BACE2: variants seen among roughly 807,000 people sequenced by gnomAD.
The protein encoded by BACE2 is beta-secretase 2, also known as 56 kDa aspartic-like protease.
A neutral mutation model predicts 46.2 loss-of-function variants in BACE2; 17 were observed. The observed-to-expected ratio is 0.37, with a 90% confidence interval of 0.25 to 0.55. BACE2 has a LOEUF of 0.55. Ranked by LOEUF, BACE2 falls within the 20% of genes least tolerant of loss-of-function variation. The pLI, the probability that BACE2 is intolerant of heterozygous loss-of-function variation, is 0.82. For missense variants in BACE2, 595 were observed against 698.1 expected (o/e 0.85, Z 1.66); for synonymous variants, 277 against 295.9 (o/e 0.94, Z 0.66).
In BACE2 at chr21:41,241,806, C is replaced by T. The variant is rs368880329; in HGVS notation, c.619-13C>T. ...GTCCTAAGCGGGTGCCCCTCTCTGT[C>T]GCCCTCCCGCAGCCATCAAGTTCTC... On this transcript the variant is annotated splice_polypyrimidine_tract_variant and intron_variant, in intron 3 of 8. Coordinates refer to ENST00000330333, the MANE Select transcript of BACE2 (RefSeq NM_012105.5). The T allele has an allele frequency of 4.2e-5, 67 of 1,613,824 alleles. No homozygotes were observed. In the South Asian group the frequency reaches 4.3e-4, roughly 10 times the overall value.
At chr21:41,214,236 C>G (rs928753738) in intron 1 of BACE2, among the ~76,000 whole-genome samples, 1 of 152,194 alleles carries the variant, frequency 6.6e-6, no homozygotes, top group African/African-American at 2.4e-5. Context: ...GGACCCCAAG[C>G]CCTGCGTGCA....
intron 2 of BACE2, among the ~76,000 whole-genome samples, chr21:41,234,549 A>C (rs552223262): frequency 3.3e-4 from 51 of 152,340 alleles, no homozygotes; most frequent in African/African-American, 1.1e-3. Context: ...TAAAACGTCT[A>C]TTATTTGTTT....
chr21:41,275,459 C>T lies in BACE2; in HGVS notation c.1392C>T (p.Ser464=), dbSNP rs537658410. 295 of 1,614,148 alleles carry T rather than the reference C, an allele frequency of 1.8e-4. No individual in the cohort carries two copies. The South Asian group carries it at 3.0e-3, about 16-fold the overall frequency. The change falls in exon 9 of 9, where the codon AGC becomes AGT. Residue 464 remains serine, a synonymous_variant. Coordinates refer to ENST00000330333, the MANE Select transcript of BACE2 (RefSeq NM_012105.5). ...ASNCVPAQSL[S]EPILWIVSYA... is the part of the protein sequence containing the mutation. ...ACTGTGTCCCCGCTCAGTCTTTGAG[C>T]GAGCCCATTTTGTGGATTGTGTCCT...
chr21:41,276,665 G>A lies in BACE2; in HGVS notation c.*1041G>A, dbSNP rs988048323. 8 of 152,346 alleles carry A rather than the reference G, an allele frequency of 5.3e-5. No homozygotes were observed. Among genetic ancestry groups the A allele is most frequent in the Middle Eastern group, 6.8e-3 (2 of 294 alleles). The allele number at this position is 152,346 out of a possible 1,614,324, so 9.4% of individuals were successfully genotyped here. A position where few individuals can be genotyped will look rare whatever the true frequency, so the allele number is the denominator to read the frequency against. ...AGTAGGTTGGCTATTACCCTGTTGG[G>A]AAACAGGGAAATGGCCTGATGCCCC... On this transcript the variant is annotated 3_prime_UTR_variant, in exon 9 of 9. Coordinates refer to ENST00000330333, the MANE Select transcript of BACE2 (RefSeq NM_012105.5).
In BACE2 at chr21:41,168,387, G is replaced by A; in HGVS notation, c.124G>A (p.Val42Ile). The change falls in exon 1 of 9, where the codon GTA becomes ATA. Residue 42 changes from valine to isoleucine, a missense_variant. Coordinates refer to ENST00000330333, the MANE Select transcript of BACE2 (RefSeq NM_012105.5). ...CCGGGTGGCCGCGGCCACGAACCGC[G>A]TAGTTGCGCCCACCCCGGGACCCGG... ...PLRVAAATNRVVAPTPGPGTP... is the reference protein window; with the variant it reads ...PLRVAAATNRIVAPTPGPGTP... The A allele has an allele frequency of 7.1e-7, 1 of 1,414,196 alleles. No individual in the cohort carries two copies. Among genetic ancestry groups the A allele is most frequent in the African/African-American group, 1.5e-5 (1 of 66,306 alleles). 87.6% of individuals were successfully genotyped at this position (1,414,196 alleles called of 1,614,324 possible). A position where few individuals can be genotyped will look rare whatever the true frequency, so the allele number is the denominator to read the frequency against.
chr21:41,241,981 T>C (rs200797466), intron 4 of BACE2, 34 bp downstream of exon 4: 2 of 1,610,390 alleles, frequency 1.2e-6, no homozygotes, highest in Non-Finnish European at 1.7e-6. Flanking sequence ...GGGCGAAAAA[T>C]CACAGATGGA....
At chr21:41,192,698 C>T (rs888972631) in intron 1 of BACE2, among the ~76,000 whole-genome samples, 3 of 152,224 alleles carry the variant, frequency 2.0e-5, no homozygotes, top group Non-Finnish European at 2.9e-5. Context: ...GGTCGTATGG[C>T]CCAAGTGGCC....
chr21:41,252,481 A>T (rs562756833), intron 7 of BACE2: 4 of 152,252 alleles, frequency 2.6e-5, no homozygotes, highest in Non-Finnish European at 5.9e-5. Flanking sequence ...CTCAGCACGC[A>T]TATTTTCTGG....
intron 1 of BACE2, among the ~76,000 whole-genome samples, chr21:41,203,219 A>G (rs1032356326): frequency 6.6e-6 from 1 of 152,106 alleles, no homozygotes; most frequent in African/African-American, 2.4e-5. Flanking sequence ...GAACATTACC[A>G]CACGGGCAAA....
intron 7 of BACE2, among the ~76,000 whole-genome samples, chr21:41,254,987 G>A (rs956238505): frequency 1.3e-5 from 2 of 152,226 alleles, no homozygotes; most frequent in Non-Finnish European, 2.9e-5. Context: ...GCCTGAGTTG[G>A]GCGAGGGAGT....
At chr21:41,242,013 A>G in intron 4 of BACE2, 66 bp downstream of exon 4, 2 of 1,598,440 alleles carry the variant, frequency 1.3e-6, no homozygotes, top group South Asian at 1.1e-5. Flanking sequence ...TTTCTGTTTT[A>G]TTAAACACCT....
intron 1 of BACE2, among the ~76,000 whole-genome samples, chr21:41,209,284 T>C (rs746062): frequency 0.48 from 73,366 of 152,108 alleles, 20,986 homozygotes; most frequent in African/African-American, 0.8. Context: ...CCTTGCTGCT[T>C]CCCTCCACTC....
intron 1 of BACE2, among the ~76,000 whole-genome samples, chr21:41,224,629 T>C (rs954832827): frequency 6.6e-6 from 1 of 152,240 alleles, no homozygotes; most frequent in Non-Finnish European, 1.5e-5. Context: ...GGATAGATGC[T>C]GGGCATAAAA....
intron 1 of BACE2, chr21:41,179,868 T>C: frequency 2.6e-6 from 1 of 388,712 alleles, no homozygotes; most frequent in Non-Finnish European, 5.2e-6. Flanking sequence ...GCTAGTTTAC[T>C]GGGAGATGAT....
intron 2 of BACE2, among the ~76,000 whole-genome samples, chr21:41,228,974 C>G (rs887482956): frequency 1.3e-5 from 2 of 152,144 alleles, no homozygotes; most frequent in Non-Finnish European, 2.9e-5. Flanking sequence ...CAGATTTCAC[C>G]CATGTTGATG....
intron 6 of BACE2, among the ~76,000 whole-genome samples, chr21:41,248,445 C>T (rs1438152152): frequency 6.6e-6 from 1 of 152,178 alleles, no homozygotes; most frequent in Non-Finnish European, 1.5e-5. Flanking sequence ...GGTCATGGCA[C>T]TATCATCTGA....
rs376491419 is a variant in BACE2 at position 41,243,191 on chromosome 21, C to T, written c.748-185C>T. Among the ~76,000 whole-genome samples, 26 of 152,294 alleles carry T rather than the reference C, an allele frequency of 1.7e-4. 1 individual carries two copies. The highest frequency in any genetic ancestry group is 5.8e-4 in the East Asian group (3 of 5,194). Reference sequence around the variant, plus strand: ...CCTCCCAAAGTGCTGGGATTACAAGCGTGAGCCACCGCGCCTGGCTCCTTG... The same window carrying T: ...CCTCCCAAAGTGCTGGGATTACAAGTGTGAGCCACCGCGCCTGGCTCCTTG... On this transcript the variant is annotated intron_variant, in intron 4 of 8. Transcript: ENST00000330333.
At chr21:41,248,788 G>A (rs904694515) in intron 6 of BACE2, among the ~76,000 whole-genome samples, 2 of 152,238 alleles carry the variant, frequency 1.3e-5, no homozygotes, top group South Asian at 2.1e-4. Context: ...TATTCAGTGC[G>A]TGGACATCGG....
At chr21:41,194,063 T>G (rs1985659844) in intron 1 of BACE2, among the ~76,000 whole-genome samples, 1 of 152,198 alleles carries the variant, frequency 6.6e-6, no homozygotes, top group South Asian at 2.1e-4. Context: ...GTCTGTAAAC[T>G]AGCTCAAGTC....
Sources: gnomAD v4.1 joint callset for allele counts (sites outside exome capture counted in the v4.1 genomes callset) on GRCh38, gnomAD v4.1.1 for gene constraint, MANE v1.5 for transcripts, NCBI Gene and HGNC (gene_info 2026-07-23, HGNC 2026-07-21) for gene names.